OGDH: variants seen among roughly 807,000 people sequenced by gnomAD.
OGDH encodes 2-oxoglutarate dehydrogenase complex component E1.
In OGDH, 38 loss-of-function variants were observed where a neutral mutation model predicts 116.6. The ratio of observed to expected loss-of-function variants is 0.33; its 90% confidence interval spans 0.25 to 0.43. OGDH has a LOEUF of 0.43. OGDH is among the 20% of genes least tolerant of loss of function. The pLI, the probability that OGDH is intolerant of heterozygous loss-of-function variation, is 1.00. For missense variants in OGDH, 825 were observed against 1,357.2 expected (o/e 0.61, Z 6.16); for synonymous variants, 488 against 533.3 (o/e 0.92, Z 1.17).
intron 9 of OGDH, among the ~76,000 whole-genome samples, chr7:44,678,541 T>A (rs146044290): frequency 1.9e-3 from 293 of 152,358 alleles, no homozygotes; most frequent in African/African-American, 6.8e-3. Context: ...GGTTAGTCCC[T>A]GATTTGCTCA....
chr7:44,657,181 G>A (rs896223455), intron 4 of OGDH, among the ~76,000 whole-genome samples: 4 of 152,166 alleles, frequency 2.6e-5, no homozygotes, highest in African/African-American at 9.7e-5. Context: ...AATTGATAAA[G>A]TAAGACTCTA....
chr7:44,643,944 C>T (rs117615860), intron 2 of OGDH, among the ~76,000 whole-genome samples: 6,555 of 152,198 alleles, frequency 0.043, 197 homozygotes, highest in East Asian at 0.11. Flanking sequence ...CGATGGCTTA[C>T]GCCTGTAATC....
chr7:44,678,685 T>C (rs1455406111), intron 9 of OGDH, among the ~76,000 whole-genome samples: 1 of 152,180 alleles, frequency 6.6e-6, no homozygotes. Context: ...CCTCGTCACC[T>C]TGCCTCAAGC....
At chr7:44,651,759 ACCATGTTG>A (rs1786456209) in intron 4 of OGDH, among the ~76,000 whole-genome samples, 1 of 130,786 alleles carries the variant, frequency 7.6e-6, no homozygotes, top group African/African-American at 3.7e-5. Flanking sequence ...ACCATGTTTC[ACCATGTTG>A]CCAGGCTGAT....
chr7:44,659,024 G>A (rs372364148), intron 4 of OGDH, among the ~76,000 whole-genome samples: 63 of 152,074 alleles, frequency 4.1e-4, no homozygotes, highest in Middle Eastern at 3.4e-3. Flanking sequence ...TTTAGTAGAG[G>A]TGGGGGTTTC....
chr7:44,669,418 C>G (rs962683123), intron 5 of OGDH, among the ~76,000 whole-genome samples: 5 of 152,094 alleles, frequency 3.3e-5, no homozygotes, highest in African/African-American at 1.2e-4. Flanking sequence ...TCCCAAAATG[C>G]TGGGATTACA....
chr7:44,620,260 A>T (rs1388345444), intron 1 of OGDH, among the ~76,000 whole-genome samples: 1 of 152,250 alleles, frequency 6.6e-6, no homozygotes, highest in Non-Finnish European at 1.5e-5. Flanking sequence ...ACCTCAAGTG[A>T]TCCGCCTGCC....
intron 2 of OGDH, among the ~76,000 whole-genome samples, chr7:44,631,698 C>T (rs574778989): frequency 8.5e-5 from 13 of 152,302 alleles, no homozygotes; most frequent in South Asian, 8.3e-4. Flanking sequence ...CAGCTGTGTT[C>T]GAAGCTTGTG....
intron 4 of OGDH, among the ~76,000 whole-genome samples, chr7:44,662,397 T>C (rs1786983877): frequency 6.6e-6 from 1 of 152,108 alleles, no homozygotes; most frequent in Non-Finnish European, 1.5e-5. Context: ...TGGTTAGACA[T>C]AATCCTTTTC....
At chr7:44,616,855 A>G (rs1330384843) in intron 1 of OGDH, among the ~76,000 whole-genome samples, 8 of 114,164 alleles carry the variant, frequency 7.0e-5, no homozygotes, top group African/African-American at 9.9e-5. Context: ...GTGTATATAT[A>G]TACACATATA....
In OGDH at chr7:44,696,981, G is replaced by A. The variant is rs61756582; in HGVS notation, c.1968G>A (p.Ala656=). Residue 656 remains alanine (A), a synonymous_variant, in exon 15 of 23, where the codon GCG becomes GCA. Coordinates refer to ENST00000222673, the MANE Select transcript of OGDH (RefSeq NM_002541.4). ...VKNRTVDWAL[A]EYMAFGSLLK... is the part of the protein sequence containing the mutation. The stretch of plus-strand genomic sequence containing the variant: ...ACCGGACTGTGGACTGGGCTCTAGC[G>A]GAGTACATGGCGTTTGGCTCGCTCC... 1.7e-3 allele frequency: 2,741 copies of A among 1,614,228 alleles called. 4 individuals are homozygous for A. The highest frequency in any genetic ancestry group is 2.1e-3 in the Non-Finnish European group (2,508 of 1,180,034).
rs184769685 is a variant in OGDH, at chr7:44,673,321, T to A, written c.634-466T>A. Among the ~76,000 whole-genome samples the A allele has an allele frequency of 7.5e-3, 1,139 of 152,146 alleles. 5 individuals carry two copies. Among genetic ancestry groups the A allele is most frequent in the Middle Eastern group, 0.014 (4 of 294 alleles). On this transcript the variant is annotated intron_variant, in intron 5 of 22. Coordinates refer to ENST00000222673, the MANE Select transcript of OGDH (RefSeq NM_002541.4). ...TGACAGAGACCCTGCCTCAAAAAAA[T>A]AAATAAATAAATAAATAATTTTTAA...
At chr7:44,693,127 T>C (rs1045726418) in intron 10 of OGDH, among the ~76,000 whole-genome samples, 1 of 152,004 alleles carries the variant, frequency 6.6e-6, no homozygotes, top group South Asian at 2.1e-4. Context: ...GCTAACATAG[T>C]GAAACCCCGT....
At chr7:44,613,802 CTT>C (rs11397029) in intron 1 of OGDH, among the ~76,000 whole-genome samples, 2 of 106,334 alleles carry the variant, frequency 1.9e-5, no homozygotes. Flanking sequence ...AGCCACCTGG[CTT>C]TTTTTTTTTT....
At chr7:44,657,674 C>T (rs1394443324) in intron 4 of OGDH, among the ~76,000 whole-genome samples, 1 of 151,968 alleles carries the variant, frequency 6.6e-6, no homozygotes, top group Non-Finnish European at 1.5e-5. Flanking sequence ...ATGGATTGTG[C>T]TTTTGGTATG....
chr7:44,612,920 G>T (rs146783930), intron 1 of OGDH, among the ~76,000 whole-genome samples: 1 of 146,244 alleles, frequency 6.8e-6, no homozygotes, highest in African/African-American at 2.5e-5. Context: ...TCACTCTGTC[G>T]CCCAGGCTGG....
At chr7:44,692,762 C>T (rs1040780101) in intron 10 of OGDH, among the ~76,000 whole-genome samples, 6 of 152,104 alleles carry the variant, frequency 3.9e-5, no homozygotes, top group Admixed American at 3.9e-4. Flanking sequence ...TGGCTGGGTA[C>T]TGTGGCTCAC....
chr7:44,648,451 C>T (rs1176799213), intron 4 of OGDH, among the ~76,000 whole-genome samples: 1 of 152,190 alleles, frequency 6.6e-6, no homozygotes, highest in Non-Finnish European at 1.5e-5. Context: ...AGTTGCTTTG[C>T]AGAGTTAGTC....
chr7:44,689,013 G>A (rs538939344), intron 10 of OGDH, among the ~76,000 whole-genome samples: 7 of 151,742 alleles, frequency 4.6e-5, no homozygotes, highest in African/African-American at 1.7e-4. Flanking sequence ...GCCTCCCAAG[G>A]TGCTCTTATT....
Sources: gnomAD v4.1 joint callset for allele counts (sites outside exome capture counted in the v4.1 genomes callset) on GRCh38, gnomAD v4.1.1 for gene constraint, MANE v1.5 for transcripts, NCBI Gene and HGNC (gene_info 2026-07-23, HGNC 2026-07-21) for gene names.